Variants in ZNF462 observed in about 807,000 individuals in gnomAD.
ZNF462 encodes zinc finger PBX1-interacting protein.
In ZNF462, 10 loss-of-function variants were observed where a neutral mutation model predicts 201.9. The observed-to-expected ratio is 0.05, with a 90% CI of 0.03 to 0.08. ZNF462 has a LOEUF of 0.08. Ranked by LOEUF, ZNF462 falls within the 10% of genes least tolerant of loss-of-function variation. The pLI is 1.00. For missense variants in ZNF462, 2,523 were observed against 3,168.3 expected, an observed-to-expected ratio of 0.80 and a Z score of 4.89; for synonymous variants, 1,227 against 1,193.3, an observed-to-expected ratio of 1.03 and a Z score of -0.58.
rs1454441093 is a variant in ZNF462 at position 106,977,552 on chromosome 9, G to A, written c.6832+3279G>A. On this transcript the variant is annotated intron_variant, in intron 9 of 12. Coordinates refer to ENST00000277225, the MANE Select transcript of ZNF462 (RefSeq NM_021224.6). This position sits in a 1 kb window ranked among gnomAD's most constrained non-coding sequence, Gnocchi z 4.6. Reference sequence around the variant, plus strand: ...TGTTGGCCACAGCAAAAGAGAGTATGATGTTTACTCATGTGTTCAGCAAAC... The same window carrying A: ...TGTTGGCCACAGCAAAAGAGAGTATAATGTTTACTCATGTGTTCAGCAAAC... Among the ~76,000 whole-genome samples the A allele has an allele frequency of 6.6e-6, 1 of 151,596 alleles. No individual in the cohort carries two copies. Among genetic ancestry groups the A allele is most frequent in the East Asian group, 1.9e-4 (1 of 5,200 alleles).
chr9:106,942,830 A>G (rs558040983), intron 7 of ZNF462, among the ~76,000 whole-genome samples: 103 of 152,222 alleles, frequency 6.8e-4, no homozygotes, highest in Non-Finnish European at 1.1e-3. Context: ...AAATTCAACT[A>G]TGTGTTTTAT....
chr9:106,982,668 C>T (rs1827530007), intron 9 of ZNF462, among the ~76,000 whole-genome samples: 2 of 152,166 alleles, frequency 1.3e-5, no homozygotes, highest in South Asian at 2.1e-4. Context: ...GGGAAAATAA[C>T]ATGCATTAGA....
chr9:106,952,927 G>C (rs1289820851), intron 7 of ZNF462, among the ~76,000 whole-genome samples: 1 of 152,108 alleles, frequency 6.6e-6, no homozygotes, highest in Non-Finnish European at 1.5e-5. Flanking sequence ...AGGTTAGGGG[G>C]CACATCAGCC....
intron 7 of ZNF462, among the ~76,000 whole-genome samples, chr9:106,957,208 A>G (rs1307326817): frequency 2.0e-5 from 3 of 152,040 alleles, no homozygotes; most frequent in East Asian, 3.9e-4. Flanking sequence ...CCATTCTACT[A>G]GGGTTAGTCA....
Position 106,865,955 on chromosome 9 carries a change from A to T in ZNF462, c.-31+2600A>T, listed in dbSNP as rs1256325677. Among the ~76,000 whole-genome samples the T allele has an allele frequency of 6.6e-6, 1 of 152,212 alleles. No homozygotes were observed. Among genetic ancestry groups the T allele is most frequent in the East Asian group, 1.9e-4 (1 of 5,196 alleles). On this transcript the variant is annotated intron_variant, in intron 1 of 12. Transcript: ENST00000277225. The surrounding 1 kb of genome is among the most constrained non-coding windows in gnomAD (Gnocchi z 4.1). ...ATGCTTCAGGAATTTTTAAAAGCCA[A>T]CCATGAAGATGTTGCTTTTCCATTA...
rs1333053302 is a variant in ZNF462, at chr9:106,974,325, G to A, written c.6832+52G>A. 2 of 1,613,428 alleles carry A rather than the reference G, an allele frequency of 1.2e-6. No individual in the cohort carries two copies. The highest frequency in any genetic ancestry group is 1.7e-6 in the Non-Finnish European group (2 of 1,179,544). On this transcript the variant is annotated intron_variant, in intron 9 of 12. Transcript: ENST00000277225. The surrounding 1 kb of genome is among the most constrained non-coding windows in gnomAD (Gnocchi z 4.0). ...GATGCAGCGGGGGGCAGGCAGCAGA[G>A]ATGGCCTTCTAGGGATGCTCTCTCA...
At position 106,970,605 on chromosome 9, in the gene ZNF462, TAAGAA is replaced by T. The variant is rs1826553025; in HGVS notation, c.6428-1395_6428-1391del. ...TTTCCCCCCTGCTTTTTGAAAGGCT[TAAGAA>T]AAGAGCCCTTTGTTTTCTTTTCAAG... On this transcript the variant is annotated intron_variant, in intron 7 of 12. Coordinates refer to ENST00000277225, the MANE Select transcript of ZNF462 (RefSeq NM_021224.6). The surrounding 1 kb of genome is among the most constrained non-coding windows in gnomAD (Gnocchi z 4.2). Among the ~76,000 whole-genome samples, 1 of 152,198 alleles carries T rather than the reference TAAGAA, an allele frequency of 6.6e-6. No homozygotes were observed. The highest frequency in any genetic ancestry group is 1.5e-5 in the Non-Finnish European group (1 of 68,018).
At chr9:107,004,954 A>G (rs1342916499) in intron 11 of ZNF462, among the ~76,000 whole-genome samples, 2 of 152,102 alleles carry the variant, frequency 1.3e-5, no homozygotes, top group Admixed American at 6.6e-5. Context: ...AAGTGAGATC[A>G]TGCAGTATTT....
At position 106,966,616 on chromosome 9, in the gene ZNF462, A is replaced by G. The variant is rs1198709813; in HGVS notation, c.6428-5389A>G. ...TTTTGTTTGCATTGTATCACGATCA[A>G]TTATTTACATCTTTGTCTGAGAAAG... On this transcript the variant is annotated intron_variant, in intron 7 of 12. Coordinates refer to ENST00000277225, the MANE Select transcript of ZNF462 (RefSeq NM_021224.6). This position sits in a 1 kb window ranked among gnomAD's most constrained non-coding sequence, Gnocchi z 4.4. Among the ~76,000 whole-genome samples the G allele has an allele frequency of 6.6e-6, 1 of 152,070 alleles. No individual in the cohort carries two copies. The highest frequency in any genetic ancestry group is 2.4e-5 in the African/African-American group (1 of 41,412).
rs541478275 is a variant in ZNF462 at position 107,006,910 on chromosome 9, C to A, written c.7190-2635C>A. Among the ~76,000 whole-genome samples, 1 of 152,238 alleles carries A rather than the reference C, an allele frequency of 6.6e-6. No individual in the cohort carries two copies. The highest frequency in any genetic ancestry group is 2.4e-5 in the African/African-American group (1 of 41,550). ...TTTATTAGTAGAGGCTGTATTAATC[C>A]ATTTCTTACAAGGAAAACGGTTGTG... is the stretch of plus-strand genomic sequence containing the variant. On this transcript the variant is annotated intron_variant, in intron 11 of 12. Coordinates refer to ENST00000277225, the MANE Select transcript of ZNF462 (RefSeq NM_021224.6). This position sits in a 1 kb window ranked among gnomAD's most constrained non-coding sequence, Gnocchi z 4.3.
In ZNF462 at chr9:106,932,132, G is replaced by A. The variant is rs960504365; in HGVS notation, c.6013-314G>A. The stretch of plus-strand genomic sequence containing the variant: ...TCTCCCTCTAGGGGTAGCTGGAGAG[G>A]CAGGGGAGGAAGCTTTGACAAGAAG... On this transcript the variant is annotated intron_variant, in intron 4 of 12. Coordinates refer to ENST00000277225, the MANE Select transcript of ZNF462 (RefSeq NM_021224.6). The surrounding 1 kb of genome is among the most constrained non-coding windows in gnomAD (Gnocchi z 6.8). 9 of 1,382,014 alleles carry A rather than the reference G, an allele frequency of 6.5e-6. No individual in the cohort carries two copies. The highest frequency in any genetic ancestry group is 8.7e-6 in the Non-Finnish European group (9 of 1,035,258). The allele number at this position is 1,382,014 out of a possible 1,614,324, so 85.6% of individuals were successfully genotyped here.
chr9:106,943,441 A>C (rs1211208719), intron 7 of ZNF462, among the ~76,000 whole-genome samples: 1 of 152,220 alleles, frequency 6.6e-6, no homozygotes, highest in East Asian at 1.9e-4. Context: ...TCCATTGCAC[A>C]GTGGCTTCAC....
chr9:106,863,886 G>A (rs1479503028), intron 1 of ZNF462, among the ~76,000 whole-genome samples: 2 of 152,066 alleles, frequency 1.3e-5, no homozygotes, highest in Non-Finnish European at 2.9e-5. Context: ...GAGGGTCAGA[G>A]GAGGGAGAGC....
intron 7 of ZNF462, among the ~76,000 whole-genome samples, chr9:106,960,831 G>T (rs182653099): frequency 2.1e-3 from 318 of 152,202 alleles, no homozygotes; most frequent in African/African-American, 7.3e-3. Flanking sequence ...GGGCATTCAG[G>T]ATCCCCAAGT....
chr9:106,985,456 A>C (rs1461823941), intron 10 of ZNF462, among the ~76,000 whole-genome samples: 1 of 152,076 alleles, frequency 6.6e-6, no homozygotes, highest in Non-Finnish European at 1.5e-5. Context: ...ACACAGGACA[A>C]CTTCCTCACT....
chr9:106,993,116 A>G lies in ZNF462; in HGVS notation c.7056+8707A>G, dbSNP rs1206221698. ...GTGGGGAGAATCTACAGAATAAACT[A>G]TAAGACACGTAGAATGTATTTTCAG... On this transcript the variant is annotated intron_variant, in intron 10 of 12. Coordinates refer to ENST00000277225, the MANE Select transcript of ZNF462 (RefSeq NM_021224.6). The surrounding 1 kb of genome is among the most constrained non-coding windows in gnomAD (Gnocchi z 4.0). 2.6e-5 allele frequency among the ~76,000 whole-genome samples: 4 copies of G among 152,174 alleles called. No individual in the cohort carries two copies. Among genetic ancestry groups the G allele is most frequent in the Non-Finnish European group, 5.9e-5 (4 of 68,014 alleles).
At position 106,883,186 on chromosome 9, in the gene ZNF462, G is replaced by A. The variant is rs1185002592; in HGVS notation, c.-31+19831G>A. 2.0e-5 allele frequency among the ~76,000 whole-genome samples: 3 copies of A among 152,226 alleles called. No individual in the cohort carries two copies. The highest frequency in any genetic ancestry group is 1.5e-5 in the Non-Finnish European group (1 of 68,038). ...CTCACTGAAGGACATATTCTGAAGAGCCAGCTCATTAAGCAAGCTTTTGAA... is the reference window on the plus strand; with the variant it reads ...CTCACTGAAGGACATATTCTGAAGAACCAGCTCATTAAGCAAGCTTTTGAA... On this transcript the variant is annotated intron_variant, in intron 1 of 12. Transcript: ENST00000277225. This position sits in a 1 kb window ranked among gnomAD's most constrained non-coding sequence, Gnocchi z 4.9.
chr9:106,976,489 T>G (rs1827012206), intron 9 of ZNF462: 2 of 152,214 alleles, frequency 1.3e-5, no homozygotes, highest in Admixed American at 1.3e-4. Flanking sequence ...GCAGGGCACA[T>G]GAGAGCTGGA....
chr9:106,897,941 C>A (rs1268634488), intron 1 of ZNF462, among the ~76,000 whole-genome samples: 1 of 152,194 alleles, frequency 6.6e-6, no homozygotes, highest in Non-Finnish European at 1.5e-5. Context: ...TCTCCACCAG[C>A]CCTCTCCCTC....
Sources: allele counts gnomAD v4.1 joint callset (sites outside exome capture counted in the v4.1 genomes callset), GRCh38; gene constraint gnomAD v4.1.1; non-coding constraint Gnocchi (gnomAD v3.1); transcripts MANE v1.5; gene names NCBI Gene and HGNC (gene_info 2026-07-23, HGNC 2026-07-21).